CNTLN: variants seen among roughly 807,000 people sequenced by gnomAD.
CNTLN encodes centlein, centrosomal protein.
CNTLN carries 212 observed loss-of-function variants against 180.0 expected under a neutral mutation model. That is an observed-to-expected ratio of 1.18 (90% CI 1.05 to 1.32). The LOEUF (loss-of-function observed/expected upper bound fraction) is 1.32, where lower values mean the gene tolerates loss of function less well. Ranked by LOEUF, CNTLN falls within the 40% of genes most tolerant of loss-of-function variation. CNTLN has a pLI of 0.00. For missense variants in CNTLN, 2,095 were observed against 1,610.9 expected, an observed-to-expected ratio of 1.30 and a Z score of -5.14; for synonymous variants, 722 against 563.1, an observed-to-expected ratio of 1.28 and a Z score of -3.99.
At chr9:17,515,059 C>G in the CNTLN span, among the ~76,000 whole-genome samples, 2 of 152,168 alleles carry the variant, frequency 1.3e-5, no homozygotes, top group Non-Finnish European at 1.5e-5. Context: ...TTTTGGTGCT[C>G]TGGCATATGA....
intron 23 of CNTLN, among the ~76,000 whole-genome samples, chr9:17,477,009 C>CT (rs898355421): frequency 5.9e-5 from 9 of 152,252 alleles, no homozygotes; most frequent in Admixed American, 1.3e-4. Context: ...CAGCTGGGGA[C>CT]TTTAAGTTGA....
chr9:17,221,833 A>G (rs1055401624), intron 2 of CNTLN, among the ~76,000 whole-genome samples: 6 of 152,010 alleles, frequency 3.9e-5, no homozygotes, highest in Admixed American at 3.9e-4. Flanking sequence ...TTGCTTTCAT[A>G]TACCATTGAG....
intron 2 of CNTLN, among the ~76,000 whole-genome samples, chr9:17,191,896 T>C (rs1821811576): frequency 6.6e-6 from 1 of 152,186 alleles, no homozygotes; most frequent in Non-Finnish European, 1.5e-5. Flanking sequence ...TATTATTGGG[T>C]GTCTTGGCAT....
At chr9:17,492,388 C>T (rs1368066490) in intron 25 of CNTLN, among the ~76,000 whole-genome samples, 1 of 152,000 alleles carries the variant, frequency 6.6e-6, no homozygotes, top group Non-Finnish European at 1.5e-5. Flanking sequence ...AATTAAGTCT[C>T]AACCAAATAT....
chr9:17,355,274 C>A (rs1221145908), intron 12 of CNTLN, among the ~76,000 whole-genome samples: 2 of 152,220 alleles, frequency 1.3e-5, no homozygotes, highest in African/African-American at 4.8e-5. Flanking sequence ...ATCCACCAGC[C>A]TTGGCCTCCC....
At chr9:17,496,112 T>C (rs1833441815) in intron 25 of CNTLN, among the ~76,000 whole-genome samples, 2 of 152,148 alleles carry the variant, frequency 1.3e-5, no homozygotes, top group African/African-American at 4.8e-5. Context: ...TAATTCACTA[T>C]CCACATTCAT....
chr9:17,425,619 G>A (rs1325617937), intron 18 of CNTLN, among the ~76,000 whole-genome samples: 1 of 152,176 alleles, frequency 6.6e-6, no homozygotes, highest in African/African-American at 2.4e-5. Context: ...ATAGCTAGAA[G>A]ATTTTTGAGG....
intron 18 of CNTLN, among the ~76,000 whole-genome samples, chr9:17,456,306 A>G (rs1429954529): frequency 1.3e-5 from 2 of 152,298 alleles, no homozygotes; most frequent in East Asian, 1.9e-4. Context: ...AACAAATTTC[A>G]TAAACAATTT....
intron 10 of CNTLN, 29 bp downstream of exon 10, chr9:17,332,759 A>G: frequency 6.5e-7 from 1 of 1,536,904 alleles, no homozygotes. Flanking sequence ...CTTTAGTAGT[A>G]ACCTTGCAAA....
At chr9:17,456,583 A>T (rs909105962) in intron 18 of CNTLN, among the ~76,000 whole-genome samples, 1 of 152,166 alleles carries the variant, frequency 6.6e-6, no homozygotes, top group Admixed American at 6.5e-5. Flanking sequence ...TGTTTATCTT[A>T]CTGTACACTT....
intron 18 of CNTLN, among the ~76,000 whole-genome samples, chr9:17,421,686 G>C (rs115888351): frequency 0.011 from 1,606 of 151,986 alleles, 21 homozygotes; most frequent in African/African-American, 0.037. Flanking sequence ...GATTTTTCTG[G>C]TAGTAGTTTT....
At chr9:17,147,897 C>T (rs1027747000) in intron 2 of CNTLN, among the ~76,000 whole-genome samples, 3 of 152,034 alleles carry the variant, frequency 2.0e-5, no homozygotes, top group South Asian at 2.1e-4. Context: ...GTTGTGCTAC[C>T]GACCTAGTGA....
intron 1 of CNTLN, among the ~76,000 whole-genome samples, chr9:17,137,998 A>G (rs560658611): frequency 6.6e-6 from 1 of 152,348 alleles, no homozygotes; most frequent in East Asian, 1.9e-4. Context: ...AAGAAAAGCT[A>G]TCTGTATTGG....
chr9:17,374,425 C>T (rs578030114), intron 13 of CNTLN, among the ~76,000 whole-genome samples: 2 of 152,318 alleles, frequency 1.3e-5, no homozygotes, highest in South Asian at 4.1e-4. Flanking sequence ...ATCATCTCAT[C>T]CCAGCCTGAA....
chr9:17,454,385 C>T (rs191732378), intron 18 of CNTLN, among the ~76,000 whole-genome samples: 8 of 152,056 alleles, frequency 5.3e-5, no homozygotes, highest in African/African-American at 7.2e-5. Flanking sequence ...AGACTGTAGA[C>T]GGATTGCACT....
intron 7 of CNTLN, chr9:17,300,164 AT>A (rs1266530007): frequency 6.6e-6 from 1 of 152,144 alleles, no homozygotes; most frequent in Non-Finnish European, 1.5e-5. Context: ...TTTGCATTAC[AT>A]TTACTGGCTG....
chr9:17,452,966 A>G (rs918151772), intron 18 of CNTLN, among the ~76,000 whole-genome samples: 1 of 152,180 alleles, frequency 6.6e-6, no homozygotes, highest in African/African-American at 2.4e-5. Context: ...TTATATTTCT[A>G]GCATAGAAAA....
At position 17,394,952 on chromosome 9, in the gene CNTLN, C is replaced by G. The variant is rs202094174; in HGVS notation, c.2498C>G (p.Ala833Gly). 1.2e-6 allele frequency: 2 copies of G among 1,613,852 alleles called. No homozygotes were observed. Among genetic ancestry groups the G allele is most frequent in the Non-Finnish European group, 1.7e-6 (2 of 1,179,954 alleles). Residue 833 changes from alanine to glycine, a missense_variant, in exon 15 of 26, where the codon GCG (alanine) becomes GGG (glycine). Coordinates refer to ENST00000380647, the MANE Select transcript of CNTLN (RefSeq NM_017738.4). Reference protein sequence around the residue: ...TTMTKVKFKAAKKNCSVGRHH... With the variant: ...TTMTKVKFKAGKKNCSVGRHH... ...ATGACCAAGGTTAAATTTAAAGCTG[C>G]GAAGAAAAATTGCTCTGTGGGTCGT... is the stretch of plus-strand genomic sequence containing the variant.
At chr9:17,407,959 C>G (rs554588100) in intron 15 of CNTLN, among the ~76,000 whole-genome samples, 1 of 151,930 alleles carries the variant, frequency 6.6e-6, no homozygotes, top group East Asian at 2.0e-4. Context: ...AACCCCATCT[C>G]TCCTAAAAAT....
Sources: allele counts gnomAD v4.1 joint callset (sites outside exome capture counted in the v4.1 genomes callset), GRCh38; gene constraint gnomAD v4.1.1; transcripts MANE v1.5; gene names NCBI Gene and HGNC (gene_info 2026-07-23, HGNC 2026-07-21).